Variants in GAS7 observed in about 807,000 individuals in gnomAD.
GAS7 encodes growth arrest specific 7, also known as growth arrest-specific protein 7.
Under a neutral mutation model 71.1 loss-of-function variants are expected in GAS7, and 28 were observed. That is an observed-to-expected ratio of 0.39 (90% confidence interval 0.29 to 0.54). The LOEUF (loss-of-function observed/expected upper bound fraction) is 0.54. Ranked by LOEUF, GAS7 falls within the 20% of genes least tolerant of loss-of-function variation. GAS7 has a pLI of 0.62. For missense variants in GAS7, 436 were observed against 627.8 expected, an observed-to-expected ratio of 0.69 and a Z score of 3.27; for synonymous variants, 258 against 245.8, an observed-to-expected ratio of 1.05 and a Z score of -0.46.
chr17:9,986,248 C>T (rs972015397), intron 2 of GAS7, among the ~76,000 whole-genome samples: 4 of 152,168 alleles, frequency 2.6e-5, no homozygotes, highest in Non-Finnish European at 5.9e-5. Flanking sequence ...CTTTGTGCTG[C>T]TGCCACCACC....
At chr17:10,074,384 A>C (rs902604467) in intron 1 of GAS7, among the ~76,000 whole-genome samples, 1 of 152,180 alleles carries the variant, frequency 6.6e-6, no homozygotes, top group African/African-American at 2.4e-5. Flanking sequence ...TTCAAGCAGA[A>C]AGCTAATCAA....
At chr17:10,174,160 G>C (rs534246822) in intron 1 of GAS7, among the ~76,000 whole-genome samples, 1 of 152,284 alleles carries the variant, frequency 6.6e-6, no homozygotes, top group South Asian at 2.1e-4. Context: ...GGGTGACAAC[G>C]TTCAAACTCA....
At chr17:10,029,000 A>G (rs1450697764) in intron 1 of GAS7, among the ~76,000 whole-genome samples, 1 of 152,232 alleles carries the variant, frequency 6.6e-6, no homozygotes, top group East Asian at 1.9e-4. Context: ...GATGGGGAGG[A>G]AAGTTCCAGA....
chr17:10,047,372 G>A (rs1047551672), intron 1 of GAS7, among the ~76,000 whole-genome samples: 1 of 152,176 alleles, frequency 6.6e-6, no homozygotes, highest in Non-Finnish European at 1.5e-5. Flanking sequence ...TGAGAGATGG[G>A]TGCACCATCG....
chr17:10,024,873 G>A (rs560934508), intron 1 of GAS7, among the ~76,000 whole-genome samples: 9 of 152,276 alleles, frequency 5.9e-5, no homozygotes, highest in African/African-American at 1.9e-4. Flanking sequence ...GAAAGGACTC[G>A]AGAAATATCT....
chr17:10,055,004 GAA>G, intron 1 of GAS7, among the ~76,000 whole-genome samples: 1 of 152,322 alleles, frequency 6.6e-6, no homozygotes, highest in East Asian at 1.9e-4. Context: ...TAAGAAAGCT[GAA>G]ACAGGTTAAG....
rs142204782 is a variant in GAS7, at chr17:9,947,041, G to T, written c.526-58C>A. ...GCTGGAGACTGGAATAGCGAGGAAGGCTTCGGCTCCTGGGGGACACGGCAC... is the reference window on the plus strand; with the variant it reads ...GCTGGAGACTGGAATAGCGAGGAAGTCTTCGGCTCCTGGGGGACACGGCAC... On this transcript the variant is annotated intron_variant, in intron 5 of 13. Coordinates refer to ENST00000432992, the MANE Select transcript of GAS7 (RefSeq NM_201433.2). 550 of 1,208,590 alleles carry T rather than the reference G, an allele frequency of 4.6e-4. 1 individual carries two copies. In the African/African-American group the frequency reaches 7.5e-3, roughly 16 times the overall value. The allele number at this position is 1,208,590 out of a possible 1,614,324, so 74.9% of individuals were successfully genotyped here.
intron 1 of GAS7, among the ~76,000 whole-genome samples, chr17:10,136,142 T>A (rs2074036406): frequency 6.6e-6 from 1 of 152,208 alleles, no homozygotes; most frequent in Non-Finnish European, 1.5e-5. Context: ...AAGTGTCCTA[T>A]GACTAATGCA....
Position 10,198,329 on chromosome 17 carries a change from A to G in GAS7, c.62T>C (p.Leu21Pro), listed in dbSNP as rs1263997648. 1 of 1,600,704 alleles carries G rather than the reference A, an allele frequency of 6.2e-7. No homozygotes were observed. The highest frequency in any genetic ancestry group is 1.7e-5 in the Admixed American group (1 of 59,938). The change falls in exon 1 of 14, where the codon CTG becomes CCG. Residue 21 changes from leucine to proline, a missense_variant. Physicochemically the swap from Leu to Pro is moderately conservative, Grantham distance 98. Coordinates refer to ENST00000432992, the MANE Select transcript of GAS7 (RefSeq NM_201433.2). The part of the protein sequence containing the change: ...PFSGERHGQG[L>P]RFAAGELITL... ...GATCAGCTCGCCCGCGGCGAAGCGCAGCCCCTGGCCGTGCCGCTCCCCGGA... is the reference window on the plus strand; with the variant it reads ...GATCAGCTCGCCCGCGGCGAAGCGCGGCCCCTGGCCGTGCCGCTCCCCGGA...
intron 1 of GAS7, among the ~76,000 whole-genome samples, chr17:10,192,856 T>C (rs1377973599): frequency 6.6e-6 from 1 of 152,118 alleles, no homozygotes; most frequent in Non-Finnish European, 1.5e-5. Context: ...GAGGGTGATT[T>C]AGTGAAGATG....
At chr17:10,102,752 T>C (rs920604333) in intron 1 of GAS7, among the ~76,000 whole-genome samples, 1 of 66,424 alleles carries the variant, frequency 1.5e-5, no homozygotes, top group Non-Finnish European at 3.5e-5. Context: ...CCAGGCCCTG[T>C]TTTTTTTTTT....
At chr17:9,958,968 C>T in intron 5 of GAS7, 2 of 1,408,818 alleles carry the variant, frequency 1.4e-6, no homozygotes, top group South Asian at 3.1e-5. Flanking sequence ...ATCATCCCAG[C>T]CATCCTCCTT....
chr17:10,068,212 T>C (rs944410024), intron 1 of GAS7, among the ~76,000 whole-genome samples: 9 of 152,112 alleles, frequency 5.9e-5, no homozygotes, highest in Non-Finnish European at 1.3e-4. Flanking sequence ...ATAGGCCGGC[T>C]CTTCCCAGAA....
intron 5 of GAS7, among the ~76,000 whole-genome samples, chr17:9,949,089 G>A (rs749442152): frequency 5.3e-5 from 8 of 152,034 alleles, no homozygotes; most frequent in African/African-American, 7.2e-5. Flanking sequence ...GGCGGACAGC[G>A]TCACAGAAAC....
At chr17:9,978,872 C>G (rs1371690978) in intron 3 of GAS7, among the ~76,000 whole-genome samples, 1 of 152,130 alleles carries the variant, frequency 6.6e-6, no homozygotes, top group Non-Finnish European at 1.5e-5. Context: ...CTGGGTCACT[C>G]TAGAACTGAG....
At chr17:10,085,422 G>A (rs1016247477) in intron 1 of GAS7, among the ~76,000 whole-genome samples, 10 of 152,102 alleles carry the variant, frequency 6.6e-5, no homozygotes, top group South Asian at 2.1e-4. Flanking sequence ...AGTGGCTCAC[G>A]CCTGTAATCC....
intron 2 of GAS7, among the ~76,000 whole-genome samples, chr17:10,017,315 A>G (rs929078433): frequency 2.0e-5 from 3 of 149,132 alleles, no homozygotes; most frequent in Admixed American, 2.0e-4. Flanking sequence ...AACGAAAATC[A>G]TCTTCCACTT....
At chr17:9,964,545 C>A (rs569745231) in intron 4 of GAS7, among the ~76,000 whole-genome samples, 2 of 152,184 alleles carry the variant, frequency 1.3e-5, no homozygotes, top group Non-Finnish European at 2.9e-5. Flanking sequence ...CAGGCATCCA[C>A]GATGCTATTC....
intron 1 of GAS7, among the ~76,000 whole-genome samples, chr17:10,130,046 G>A (rs572395169): frequency 6.6e-6 from 1 of 152,126 alleles, no homozygotes; most frequent in African/African-American, 2.4e-5. Flanking sequence ...GCGCGCGCCT[G>A]TAATCCCAGC....
Sources: gnomAD v4.1 joint callset for allele counts (sites outside exome capture counted in the v4.1 genomes callset) on GRCh38, gnomAD v4.1.1 for gene constraint, MANE v1.5 for transcripts, NCBI Gene and HGNC (gene_info 2026-07-23, HGNC 2026-07-21) for gene names.